Variants in DAAM1 observed in about 807,000 individuals in gnomAD.
DAAM1 encodes the protein dishevelled associated activator of morphogenesis 1, also known as disheveled-associated activator of morphogenesis 1.
Under a neutral mutation model 130.0 loss-of-function variants are expected in DAAM1, and 52 were observed. The observed-to-expected ratio is 0.40, with a 90% CI of 0.32 to 0.50. The LOEUF (loss-of-function observed/expected upper bound fraction) is 0.50. Ranked by LOEUF, DAAM1 falls within the 20% of genes least tolerant of loss-of-function variation. The pLI is 0.61. For missense variants in DAAM1, 1,134 were observed against 1,303.8 expected, an observed-to-expected ratio of 0.87 and a Z score of 2.01; for synonymous variants, 452 against 444.5, an observed-to-expected ratio of 1.02 and a Z score of -0.21.
chr14:59,313,643 A>G (rs181807370), intron 3 of DAAM1, among the ~76,000 whole-genome samples: 48 of 152,322 alleles, frequency 3.2e-4, no homozygotes, highest in African/African-American at 1.2e-3. Context: ...GCTTCATTTT[A>G]TAGGTTCAAA....
In DAAM1 at chr14:59,369,697, A is replaced by AGGT. The variant is rs1887074803; in HGVS notation, c.*838_*839insGGT. Reference sequence around the variant, plus strand: ...TATAGATATATAAACCTTAAAAATAATAAAATATCTCACCCAAGACTTAAA... The same window carrying AGGT: ...TATAGATATATAAACCTTAAAAATAAGGTTAAAATATCTCACCCAAGACTTAAA... On this transcript the variant is annotated 3_prime_UTR_variant, in exon 25 of 25. Coordinates refer to ENST00000360909, the MANE Select transcript of DAAM1 (RefSeq NM_001270520.2). The AGGT allele has an allele frequency of 4.6e-5, 7 of 151,464 alleles. No individual in the cohort carries two copies. Among genetic ancestry groups the AGGT allele is most frequent in the Non-Finnish European group, 1.5e-5 (1 of 67,834 alleles). The allele number at this position is 151,464 out of a possible 1,614,324, so 9.4% of individuals were successfully genotyped here.
chr14:59,300,965 A>G (rs1209576175), intron 3 of DAAM1, among the ~76,000 whole-genome samples: 1 of 152,214 alleles, frequency 6.6e-6, no homozygotes, highest in Non-Finnish European at 1.5e-5. Flanking sequence ...ATAGACACCT[A>G]GACATGTAGT....
At chr14:59,189,065 C>T (rs1887643526) in intron 1 of DAAM1, among the ~76,000 whole-genome samples, 1 of 152,192 alleles carries the variant, frequency 6.6e-6, no homozygotes, top group Non-Finnish European at 1.5e-5. Flanking sequence ...TGGGGTCCCT[C>T]CCTTTCTTTC....
At chr14:59,350,904 T>C (rs942134492) in intron 17 of DAAM1, among the ~76,000 whole-genome samples, 18 of 152,294 alleles carry the variant, frequency 1.2e-4, no homozygotes, top group African/African-American at 3.9e-4. Flanking sequence ...ACCTGTGCCT[T>C]CAGTAACCTA....
intron 2 of DAAM1, among the ~76,000 whole-genome samples, chr14:59,273,522 A>C (rs1882819330): frequency 6.6e-6 from 1 of 152,212 alleles, no homozygotes; most frequent in South Asian, 2.1e-4. Context: ...GATGATTTTT[A>C]TTAAAATGAA....
chr14:59,286,438 T>G (rs1412407045), intron 2 of DAAM1, among the ~76,000 whole-genome samples: 3 of 151,952 alleles, frequency 2.0e-5, no homozygotes, highest in Non-Finnish European at 2.9e-5. Flanking sequence ...AGAGCTAAAC[T>G]GAATGAAATT....
At chr14:59,337,760 T>C (rs572107972) in intron 15 of DAAM1, among the ~76,000 whole-genome samples, 33 of 152,188 alleles carry the variant, frequency 2.2e-4, no homozygotes, top group Non-Finnish European at 4.4e-4. Context: ...GATTTTCTCT[T>C]AATTGCATGT....
At chr14:59,297,344 T>C (rs989826312) in intron 3 of DAAM1, among the ~76,000 whole-genome samples, 5 of 152,224 alleles carry the variant, frequency 3.3e-5, no homozygotes, top group Admixed American at 1.3e-4. Flanking sequence ...GGAACATTCC[T>C]ATTCCAGAAA....
At chr14:59,196,698 C>G (rs1273846159) in intron 1 of DAAM1, among the ~76,000 whole-genome samples, 1 of 151,684 alleles carries the variant, frequency 6.6e-6, no homozygotes, top group Non-Finnish European at 1.5e-5. Context: ...AGCTGAGATC[C>G]TGCCACTGCA....
At chr14:59,327,406 T>TTTTC in intron 12 of DAAM1, among the ~76,000 whole-genome samples, 1 of 121,330 alleles carries the variant, frequency 8.2e-6, no homozygotes, top group Non-Finnish European at 1.7e-5. Flanking sequence ...TGGTTTCTTT[T>TTTTC]TTTTTTTTTT....
intron 1 of DAAM1, among the ~76,000 whole-genome samples, chr14:59,261,450 C>T (rs61986031): frequency 0.062 from 9,449 of 152,220 alleles, 394 homozygotes; most frequent in Non-Finnish European, 0.093. Context: ...ACATATGTCT[C>T]AGTATGACCT....
intron 19 of DAAM1, among the ~76,000 whole-genome samples, chr14:59,354,281 C>T (rs1886393672): frequency 2.6e-5 from 4 of 152,144 alleles, no homozygotes; most frequent in South Asian, 4.1e-4. Flanking sequence ...AGGATGGTCT[C>T]AATCTCCTGA....
chr14:59,216,500 C>T (rs1855935442), intron 1 of DAAM1, among the ~76,000 whole-genome samples: 1 of 152,142 alleles, frequency 6.6e-6, no homozygotes, highest in Admixed American at 6.5e-5. Context: ...GCAGGTGAAT[C>T]ACTGGAAGTC....
rs1887026130 is a variant in DAAM1 at position 59,368,832 on chromosome 14, G to C, written c.3180G>C (p.Glu1060Asp). 1.2e-6 allele frequency: 2 copies of C among 1,612,570 alleles called. No homozygotes were observed. The highest frequency in any genetic ancestry group is 2.7e-5 in the African/African-American group (2 of 74,794). ...ACCAGATGACTGACAGCAGCAGAGA[G>C]AGACCAATCACAAAACTTAATTTCT... Reference protein sequence around the residue: ...ITNQMTDSSRERPITKLNF With the variant: ...ITNQMTDSSRDRPITKLNF Residue 1060 changes from glutamate (E) to aspartate (D), a missense_variant, in exon 25 of 25, where the codon GAG becomes GAC. Transcript: ENST00000360909.
intron 12 of DAAM1, among the ~76,000 whole-genome samples, chr14:59,330,188 AACT>A (rs758554706): frequency 1.8e-4 from 27 of 152,208 alleles, no homozygotes; most frequent in Non-Finnish European, 3.7e-4. Flanking sequence ...ATTCTGAATC[AACT>A]ACCAAACAGT....
intron 15 of DAAM1, among the ~76,000 whole-genome samples, chr14:59,336,336 C>G (rs1270090661): frequency 6.6e-6 from 1 of 152,128 alleles, no homozygotes; most frequent in African/African-American, 2.4e-5. Context: ...CAGAAATTGC[C>G]TGGAAAAACC....
intron 2 of DAAM1, among the ~76,000 whole-genome samples, chr14:59,277,798 C>T (rs936958540): frequency 1.3e-5 from 2 of 152,094 alleles, no homozygotes; most frequent in Non-Finnish European, 2.9e-5. Flanking sequence ...AACTAGGGTG[C>T]TTCCTGGGGT....
chr14:59,198,788 T>A (rs1395775290), intron 1 of DAAM1, among the ~76,000 whole-genome samples: 1 of 152,258 alleles, frequency 6.6e-6, no homozygotes, highest in Admixed American at 6.5e-5. Context: ...CACCTGTCTT[T>A]TGGTGCTTTG....
chr14:59,251,909 C>T (rs935109594), intron 1 of DAAM1, among the ~76,000 whole-genome samples: 3 of 152,110 alleles, frequency 2.0e-5, no homozygotes, highest in Admixed American at 1.3e-4. Flanking sequence ...ATCAGCAGGA[C>T]GCATTAAGAA....
Sources: gnomAD v4.1 joint callset for allele counts (sites outside exome capture counted in the v4.1 genomes callset) on GRCh38, gnomAD v4.1.1 for gene constraint, MANE v1.5 for transcripts, NCBI Gene and HGNC (gene_info 2026-07-23, HGNC 2026-07-21) for gene names.